Variants in COA8 observed in about 807,000 individuals in gnomAD.
The protein encoded by COA8 is UPF0671 protein C14orf153.
A neutral mutation model predicts 22.0 loss-of-function variants in COA8; 20 were observed. The observed-to-expected ratio is 0.91, with a 90% CI of 0.64 to 1.32. The LOEUF (loss-of-function observed/expected upper bound fraction) is 1.32, where lower values mean the gene tolerates loss of function less well. Ranked by LOEUF, COA8 falls within the 40% of genes most tolerant of loss-of-function variation. The pLI, the probability that COA8 is intolerant of heterozygous loss-of-function variation, is 0.00. For missense variants in COA8, 266 were observed against 230.0 expected (o/e 1.16, Z -1.01); for synonymous variants, 105 against 79.9 (o/e 1.31, Z -1.68).
intron 3 of COA8, among the ~76,000 whole-genome samples, chr14:103,575,316 G>A (rs2076223031): frequency 6.6e-6 from 1 of 152,236 alleles, no homozygotes; most frequent in South Asian, 2.1e-4. Flanking sequence ...TCTTACTAAG[G>A]TCCCAGAATC....
intron 3 of COA8, among the ~76,000 whole-genome samples, chr14:103,579,962 CA>C (rs373279860): frequency 0.028 from 3,313 of 117,518 alleles, 120 homozygotes; most frequent in African/African-American, 0.1. Context: ...GACTCTGTCT[CA>C]AAAAAAAAAA....
At chr14:103,568,486 C>CACATGTAT (rs2076152480) in intron 1 of COA8, among the ~76,000 whole-genome samples, 1 of 151,756 alleles carries the variant, frequency 6.6e-6, no homozygotes, top group Non-Finnish European at 1.5e-5. Context: ...CATATATACA[C>CACATGTAT]ACATATATAT....
At chr14:103,586,201 T>C (rs74485473) in intron 3 of COA8, among the ~76,000 whole-genome samples, 1 of 81,658 alleles carries the variant, frequency 1.2e-5, no homozygotes, top group Non-Finnish European at 2.6e-5. Context: ...GCACCTGGCC[T>C]TTTTTTTTTT....
intron 1 of COA8, among the ~76,000 whole-genome samples, chr14:103,567,200 C>T (rs576070255): frequency 4.6e-5 from 7 of 152,038 alleles, no homozygotes; most frequent in African/African-American, 1.7e-4. Context: ...TGGTGAAACA[C>T]CGTCTCTACT....
intron 3 of COA8, among the ~76,000 whole-genome samples, chr14:103,577,098 G>A (rs1444231906): frequency 1.3e-5 from 2 of 152,182 alleles, no homozygotes; most frequent in African/African-American, 2.4e-5. Flanking sequence ...TTGAGATGGA[G>A]TCTCACTCTG....
In COA8 at chr14:103,571,730, T is replaced by A. The variant is rs1245148985; in HGVS notation, c.231T>A (p.Ser77=). 1 of 1,614,136 alleles carries A rather than the reference T, an allele frequency of 6.2e-7. No homozygotes were observed. The highest frequency in any genetic ancestry group is 1.3e-5 in the African/African-American group (1 of 75,032). The part of the protein sequence containing the change: ...PVHFYIPENE[S]PLEQKLRKLR... ...ACTTTTACATACCTGAAAATGAATC[T>A]CCATTGGAACAAAAGCTTAGAAAAT... The change falls in exon 2 of 5, where the codon TCT becomes TCA. Residue 77 remains serine (S), a synonymous_variant. Coordinates refer to ENST00000409074, the MANE Select transcript of COA8 (RefSeq NM_001370595.2).
chr14:103,565,916 A>G (rs1296482492), intron 1 of COA8, among the ~76,000 whole-genome samples: 1 of 151,934 alleles, frequency 6.6e-6, no homozygotes, highest in Non-Finnish European at 1.5e-5. Context: ...TGCCTGGCCC[A>G]AAGTCACTTT....
intron 4 of COA8, chr14:103,588,332 T>A (rs2076326227): frequency 2.5e-6 from 1 of 395,544 alleles, no homozygotes; most frequent in East Asian, 3.6e-5. Flanking sequence ...CTGGGCAACA[T>A]AGTGAAAGGC....
At chr14:103,563,437 G>A (rs1194126883) in intron 1 of COA8, 7 of 500,148 alleles carry the variant, frequency 1.4e-5, no homozygotes, top group Admixed American at 3.1e-5. Context: ...TTTTTAAAGA[G>A]CTCTTGGCTT....
At chr14:103,569,335 C>T (rs1019137660) in intron 1 of COA8, among the ~76,000 whole-genome samples, 1 of 152,224 alleles carries the variant, frequency 6.6e-6, no homozygotes, top group Non-Finnish European at 1.5e-5. Context: ...AAGATAACAT[C>T]TCTCACATTA....
chr14:103,590,210 C>A lies in COA8; in HGVS notation c.506C>A (p.Thr169Asn), dbSNP rs754677170. ...TGGTACAAGCGCAATTTTGCCATCACCTTCTTCATGGGAAAAGTGGCCCTG... is the reference window on the plus strand; with the variant it reads ...TGGTACAAGCGCAATTTTGCCATCAACTTCTTCATGGGAAAAGTGGCCCTG... ...RDWYKRNFAI[T>N]FFMGKVALER... The change falls in exon 5 of 5, where the codon ACC (threonine) becomes AAC (asparagine). Residue 169 changes from threonine (T) to asparagine (N), a missense_variant. Physicochemically the swap from Thr to Asn is moderately conservative, Grantham distance 65. Transcript: ENST00000409074. The A allele has an allele frequency of 8.7e-6, 14 of 1,614,070 alleles. No homozygotes were observed. The highest frequency in any genetic ancestry group is 1.2e-5 in the Non-Finnish European group (14 of 1,180,018).
Position 103,568,621 on chromosome 14 carries a change from G to GTATATA in COA8, c.124-2981_124-2976dup, listed in dbSNP as rs57741003. 2.7e-3 allele frequency among the ~76,000 whole-genome samples: 382 copies of GTATATA among 141,854 alleles called. 4 individuals are homozygous for GTATATA. The highest frequency in any genetic ancestry group is 9.3e-3 in the African/African-American group (350 of 37,464). The allele number at this position is 141,854 out of a possible 152,430, so 93.1% of individuals were successfully genotyped here. On this transcript the variant is annotated intron_variant, in intron 1 of 4. Transcript: ENST00000409074. The stretch of plus-strand genomic sequence containing the variant: ...TATACGTATATATATATGTGTGTGT[G>GTATATA]TATATATATATATATATATATATAT...
chr14:103,567,783 G>A (rs1430262910), intron 1 of COA8, among the ~76,000 whole-genome samples: 1 of 152,086 alleles, frequency 6.6e-6, no homozygotes, highest in Non-Finnish European at 1.5e-5. Context: ...GGTTGACTAG[G>A]GCCTTAAAGA....
chr14:103,578,105 G>A (rs2076242418), intron 3 of COA8, among the ~76,000 whole-genome samples: 1 of 151,538 alleles, frequency 6.6e-6, no homozygotes, highest in Non-Finnish European at 1.5e-5. Flanking sequence ...GAGGTGGGAG[G>A]ATCACTTGAG....
At chr14:103,588,431 G>C (rs572024912) in intron 4 of COA8, 1 of 368,358 alleles carries the variant, frequency 2.7e-6, no homozygotes, top group Admixed American at 4.6e-5. Flanking sequence ...ATGGCAGACA[G>C]AGTAAGACCC....
intron 3 of COA8, among the ~76,000 whole-genome samples, chr14:103,582,400 A>G (rs1339467248): frequency 6.6e-6 from 1 of 152,180 alleles, no homozygotes; most frequent in Non-Finnish European, 1.5e-5. Flanking sequence ...GGTGAGCCTG[A>G]GCGTGGCCAC....
At chr14:103,585,923 G>A (rs1362511188) in intron 3 of COA8, among the ~76,000 whole-genome samples, 6 of 147,234 alleles carry the variant, frequency 4.1e-5, no homozygotes, top group South Asian at 2.1e-4. Flanking sequence ...TTTTGGAGAC[G>A]GAGTTTCGCT....
chr14:103,569,155 C>T (rs1257225629), intron 1 of COA8, among the ~76,000 whole-genome samples: 1 of 152,154 alleles, frequency 6.6e-6, no homozygotes, highest in African/African-American at 2.4e-5. Flanking sequence ...CACCATGAAT[C>T]ATAGGCTTGT....
intron 1 of COA8, among the ~76,000 whole-genome samples, chr14:103,566,509 T>G (rs1474078268): frequency 6.6e-6 from 1 of 152,266 alleles, no homozygotes; most frequent in Non-Finnish European, 1.5e-5. Context: ...GTGTCCTGTA[T>G]TGTGGTGCTT....
Sources: gnomAD v4.1 joint callset for allele counts (sites outside exome capture counted in the v4.1 genomes callset) on GRCh38, gnomAD v4.1.1 for gene constraint, MANE v1.5 for transcripts, NCBI Gene and HGNC (gene_info 2026-07-23, HGNC 2026-07-21) for gene names.